The following KLHL24 variants were observed in gnomAD, a reference collection of about 807,000 sequenced individuals.
The protein encoded by KLHL24 is kelch like family member 24, also known as kelch-like protein 24.
In KLHL24, 29 loss-of-function variants were observed where a neutral mutation model predicts 53.4. The observed-to-expected ratio is 0.54, with a 90% CI of 0.40 to 0.74. The LOEUF is 0.74. KLHL24 is among the 30% of genes least tolerant of loss of function. The pLI, the probability that KLHL24 is intolerant of heterozygous loss-of-function variation, is 0.00. For missense variants in KLHL24, 504 were observed against 744.0 expected, an observed-to-expected ratio of 0.68 and a Z score of 3.75; for synonymous variants, 222 against 253.7, an observed-to-expected ratio of 0.88 and a Z score of 1.19.
chr3:183,650,288 A>T lies in KLHL24; in HGVS notation c.-61-8A>T. 1 of 1,253,292 alleles carries T rather than the reference A, an allele frequency of 8.0e-7. No homozygotes were observed. The highest frequency in any genetic ancestry group is 1.1e-6 in the Non-Finnish European group (1 of 900,158). 77.6% of individuals were successfully genotyped at this position (1,253,292 alleles called of 1,614,324 possible). A position where few individuals can be genotyped will look rare whatever the true frequency, so the allele number is the denominator to read the frequency against. On this transcript the variant is annotated splice_region_variant and splice_polypyrimidine_tract_variant and intron_variant, in intron 2 of 7. Coordinates refer to ENST00000242810, the MANE Select transcript of KLHL24 (RefSeq NM_017644.3). This position sits in a 1 kb window ranked among gnomAD's most constrained non-coding sequence, Gnocchi z 4.5. The stretch of plus-strand genomic sequence containing the variant: ...CATATTGAAATGTTTTCCTTTTTTT[A>T]CTTTTAGCCACATAAAGAAGATCCC...
intron 5 of KLHL24, among the ~76,000 whole-genome samples, chr3:183,665,260 A>G (rs1720363323): frequency 6.6e-6 from 1 of 152,176 alleles, no homozygotes; most frequent in South Asian, 2.1e-4. Flanking sequence ...AGTGTAGCAC[A>G]TTTCTCTTCT....
At chr3:183,637,547 T>C (rs1381924242) in intron 1 of KLHL24, among the ~76,000 whole-genome samples, 1 of 152,248 alleles carries the variant, frequency 6.6e-6, no homozygotes, top group Admixed American at 6.5e-5. Flanking sequence ...CCATAGTGTG[T>C]TGAAAATGGT....
intron 3 of KLHL24, among the ~76,000 whole-genome samples, chr3:183,658,809 A>ATT (rs35150276): frequency 0.35 from 48,877 of 139,932 alleles, 8,912 homozygotes; most frequent in African/African-American, 0.5. Context: ...CCTTCCTCCC[A>ATT]TTTTTTTTTT....
In KLHL24 at chr3:183,635,782, G is replaced by C. The variant is rs1162190302; in HGVS notation, c.-136G>C. 1.3e-5 allele frequency: 2 copies of C among 152,330 alleles called. No homozygotes were observed. Among genetic ancestry groups the C allele is most frequent in the African/African-American group, 4.8e-5 (2 of 41,446 alleles). The allele number at this position is 152,330 out of a possible 1,614,324, so 9.4% of individuals were successfully genotyped here. A position where few individuals can be genotyped will look rare whatever the true frequency, so the allele number is the denominator to read the frequency against. On this transcript the variant is annotated 5_prime_UTR_variant, in exon 1 of 8. Coordinates refer to ENST00000242810, the MANE Select transcript of KLHL24 (RefSeq NM_017644.3). ...GTGACAGCTCCGGGACCGGCCGAAA[G>C]GCGAGGAACCGGTCAGAGTCTGAGT... is the stretch of plus-strand genomic sequence containing the variant.
At chr3:183,648,117 T>TTGA in intron 2 of KLHL24, among the ~76,000 whole-genome samples, 1 of 152,254 alleles carries the variant, frequency 6.6e-6, no homozygotes, top group South Asian at 2.1e-4. Flanking sequence ...TAAATATTTG[T>TTGA]TGATGATGAT....
intron 2 of KLHL24, among the ~76,000 whole-genome samples, chr3:183,644,457 G>C (rs1716945148): frequency 6.6e-6 from 1 of 152,194 alleles, no homozygotes; most frequent in African/African-American, 2.4e-5. Flanking sequence ...TCAGGAGGCA[G>C]CAGGCTGAAG....
chr3:183,645,861 G>C (rs1717149845), intron 2 of KLHL24, among the ~76,000 whole-genome samples: 1 of 152,100 alleles, frequency 6.6e-6, no homozygotes, highest in Non-Finnish European at 1.5e-5. Context: ...TTACTTTGTT[G>C]ACATTTACTC....
chr3:183,655,318 G>A (rs1718691290), intron 3 of KLHL24, among the ~76,000 whole-genome samples: 1 of 152,166 alleles, frequency 6.6e-6, no homozygotes, highest in Non-Finnish European at 1.5e-5. Context: ...ATCACAGAAG[G>A]AGTAAAGCTT....
intron 5 of KLHL24, among the ~76,000 whole-genome samples, chr3:183,669,169 AC>A (rs1720989169): frequency 6.6e-6 from 1 of 151,946 alleles, no homozygotes; most frequent in Non-Finnish European, 1.5e-5. Context: ...TGTGATAGAT[AC>A]TATGATTGTC....
intron 5 of KLHL24, 30 bp from the exon 6 acceptor site, chr3:183,671,004 T>C: frequency 6.5e-7 from 1 of 1,527,520 alleles, no homozygotes; most frequent in South Asian, 1.2e-5. Context: ...CTTTTGATAA[T>C]TAAGATTTTT....
At chr3:183,657,833 C>T (rs1280795855) in intron 3 of KLHL24, among the ~76,000 whole-genome samples, 6 of 152,152 alleles carry the variant, frequency 3.9e-5, no homozygotes, top group African/African-American at 1.2e-4. Context: ...CATTGTAAAT[C>T]TCCCTCTTCT....
At chr3:183,639,941 C>T (rs1018703829) in intron 1 of KLHL24, among the ~76,000 whole-genome samples, 3 of 152,128 alleles carry the variant, frequency 2.0e-5, no homozygotes, top group African/African-American at 7.2e-5. Context: ...AGGAGAATCA[C>T]TTGAACCCGG....
intron 3 of KLHL24, among the ~76,000 whole-genome samples, chr3:183,652,096 TCA>T (rs1284052924): frequency 6.6e-6 from 1 of 152,236 alleles, no homozygotes; most frequent in Admixed American, 6.5e-5. Context: ...TACTTAATTG[TCA>T]CAGTTATTAT....
chr3:183,639,397 A>G (rs550063674), intron 1 of KLHL24, among the ~76,000 whole-genome samples: 148 of 149,024 alleles, frequency 9.9e-4, no homozygotes, highest in South Asian at 3.0e-3. Context: ...TTGGGAGGCC[A>G]AGGCGGGCAG....
At chr3:183,639,061 T>TGTGG (rs972711435) in intron 1 of KLHL24, among the ~76,000 whole-genome samples, 2 of 150,506 alleles carry the variant, frequency 1.3e-5, no homozygotes, top group African/African-American at 4.9e-5. Context: ...ATTAGCCGGG[T>TGTGG]GTGGCCGCAG....
chr3:183,674,223 G>C (rs1011413196), intron 7 of KLHL24, among the ~76,000 whole-genome samples: 1 of 149,752 alleles, frequency 6.7e-6, no homozygotes, highest in Admixed American at 6.7e-5. Context: ...AGCTTGTCTT[G>C]CTAGCTCATT....
In KLHL24 at chr3:183,650,182, C is replaced by T; in HGVS notation, c.-61-114C>T. ...ATTAACATGAGATAGTGCTGTGTAC[C>T]CTATATGAAATATATTATGTGATTT... On this transcript the variant is annotated intron_variant, in intron 2 of 7. Coordinates refer to ENST00000242810, the MANE Select transcript of KLHL24 (RefSeq NM_017644.3). The surrounding 1 kb of genome is among the most constrained non-coding windows in gnomAD (Gnocchi z 4.5). The T allele has an allele frequency of 6.8e-6, 4 of 584,178 alleles. No homozygotes were observed. The highest frequency in any genetic ancestry group is 2.3e-5 in the South Asian group (1 of 42,704). 36.2% of individuals were successfully genotyped at this position (584,178 alleles called of 1,614,324 possible).
At chr3:183,648,801 A>G (rs1376974892) in intron 2 of KLHL24, among the ~76,000 whole-genome samples, 1 of 152,168 alleles carries the variant, frequency 6.6e-6, no homozygotes, top group Admixed American at 6.5e-5. Context: ...CAGGAGTTCA[A>G]GACCAGCCTG....
intron 5 of KLHL24, among the ~76,000 whole-genome samples, chr3:183,668,706 A>G (rs1576962528): frequency 6.6e-6 from 1 of 152,174 alleles, no homozygotes; most frequent in East Asian, 1.9e-4. Context: ...GGAGTTCAAG[A>G]CCAGCCTGGC....
Sources: allele counts gnomAD v4.1 joint callset (sites outside exome capture counted in the v4.1 genomes callset), GRCh38; gene constraint gnomAD v4.1.1; non-coding constraint Gnocchi (gnomAD v3.1); transcripts MANE v1.5; gene names NCBI Gene and HGNC (gene_info 2026-07-23, HGNC 2026-07-21).